Variants in GPC5 observed in about 807,000 individuals in gnomAD.
GPC5 encodes glypican-5.
GPC5 carries 47 observed loss-of-function variants against 53.9 expected under a neutral mutation model. The ratio of observed to expected loss-of-function variants is 0.87; its 90% CI spans 0.69 to 1.11. The LOEUF (loss-of-function observed/expected upper bound fraction) is 1.11. Among genes scored for constraint, GPC5 ranks in the 50% most tolerant of loss-of-function variants. GPC5 has a pLI of 0.00. For missense variants in GPC5, 748 were observed against 713.1 expected (o/e 1.05, Z -0.56); for synonymous variants, 286 against 263.3 (o/e 1.09, Z -0.84).
At chr13:91,808,240 T>G (rs2038253515) in intron 5 of GPC5, among the ~76,000 whole-genome samples, 1 of 152,168 alleles carries the variant, frequency 6.6e-6, no homozygotes, top group Non-Finnish European at 1.5e-5. Flanking sequence ...TAATGGTTTT[T>G]CATCACTTCA....
intron 7 of GPC5, among the ~76,000 whole-genome samples, chr13:92,697,626 C>G (rs887909968): frequency 2.0e-5 from 3 of 152,160 alleles, no homozygotes; most frequent in Non-Finnish European, 4.4e-5. Flanking sequence ...AATATACAAT[C>G]ATGTCATCTG....
chr13:92,644,461 C>G (rs2139155505), intron 7 of GPC5, among the ~76,000 whole-genome samples: 1 of 152,218 alleles, frequency 6.6e-6, no homozygotes, highest in South Asian at 2.1e-4. Flanking sequence ...TCTATATAAG[C>G]TGACATGTTA....
intron 7 of GPC5, among the ~76,000 whole-genome samples, chr13:92,824,822 ATATTT>A: frequency 6.6e-6 from 1 of 152,110 alleles, no homozygotes; most frequent in South Asian, 2.1e-4. Context: ...GTCCACAATT[ATATTT>A]ATCTGGAAGA....
chr13:92,629,877 T>C (rs1330666313), intron 7 of GPC5, among the ~76,000 whole-genome samples: 4 of 152,218 alleles, frequency 2.6e-5, no homozygotes, highest in Admixed American at 2.6e-4. Context: ...TCTGTAATTC[T>C]GTTGATTCTG....
chr13:92,328,370 T>C (rs1395543096), intron 7 of GPC5, among the ~76,000 whole-genome samples: 1 of 152,096 alleles, frequency 6.6e-6, no homozygotes, highest in Non-Finnish European at 1.5e-5. Context: ...CAGAACCAGA[T>C]ATAGAATCTG....
rs151190907 is a variant in GPC5 at position 92,446,568 on chromosome 13, T to A, written c.1561+301579T>A. ...CAGGTTGCTTCTAGATCTTGGCTATTGTGAATAGTTCTGCAATAAACATGA... is the reference window on the plus strand; with the variant it reads ...CAGGTTGCTTCTAGATCTTGGCTATAGTGAATAGTTCTGCAATAAACATGA... On this transcript the variant is annotated intron_variant, in intron 7 of 7. Transcript: ENST00000377067. 1.1e-4 allele frequency: 16 copies of A among 152,188 alleles called. No individual in the cohort carries two copies. The East Asian group carries it at 2.1e-3, about 20-fold the overall frequency. The allele number at this position is 152,188 out of a possible 1,614,324, so 9.4% of individuals were successfully genotyped here.
At chr13:92,610,428 C>A (rs1399240777) in intron 7 of GPC5, among the ~76,000 whole-genome samples, 1 of 152,094 alleles carries the variant, frequency 6.6e-6, no homozygotes, top group South Asian at 2.1e-4. Context: ...GCGCTCCAGT[C>A]AGCTTTTAAA....
intron 2 of GPC5, among the ~76,000 whole-genome samples, chr13:91,638,671 T>C (rs1039275387): frequency 1.3e-5 from 2 of 152,164 alleles, no homozygotes; most frequent in African/African-American, 4.8e-5. Flanking sequence ...CAGCTTACAA[T>C]AGACATTTCC....
Position 92,105,975 on chromosome 13 carries a change from T to C in GPC5, c.1402-38855T>C, listed in dbSNP as rs563512190. Among the ~76,000 whole-genome samples, 5 of 152,128 alleles carry C rather than the reference T, an allele frequency of 3.3e-5. No homozygotes were observed. In the South Asian group the frequency reaches 1.0e-3, roughly 31 times the overall value. ...AATGGAAGAATACAGTATTTATGTTTTCTTTTTCTGGCTTATTTCACTTAA... is the reference window on the plus strand; with the variant it reads ...AATGGAAGAATACAGTATTTATGTTCTCTTTTTCTGGCTTATTTCACTTAA... On this transcript the variant is annotated intron_variant, in intron 6 of 7. Coordinates refer to ENST00000377067, the MANE Select transcript of GPC5 (RefSeq NM_004466.6).
intron 5 of GPC5, among the ~76,000 whole-genome samples, chr13:91,902,400 A>G (rs185676222): frequency 4.1e-4 from 62 of 152,216 alleles, no homozygotes; most frequent in African/African-American, 1.4e-3. Flanking sequence ...GAATGTAAAT[A>G]TATCAGGGCT....
At chr13:91,941,206 A>T (rs919780434) in intron 6 of GPC5, among the ~76,000 whole-genome samples, 10 of 152,064 alleles carry the variant, frequency 6.6e-5, no homozygotes, top group Non-Finnish European at 1.3e-4. Flanking sequence ...CTATTGGTCT[A>T]TGTGTCTGCT....
chr13:92,005,626 C>CT (rs1250139816), intron 6 of GPC5, among the ~76,000 whole-genome samples: 1 of 152,090 alleles, frequency 6.6e-6, no homozygotes, highest in African/African-American at 2.4e-5. Context: ...ATACATGTAA[C>CT]TTATTTGATT....
At chr13:92,372,857 AT>A (rs2043662465) in intron 7 of GPC5, among the ~76,000 whole-genome samples, 1 of 152,166 alleles carries the variant, frequency 6.6e-6, no homozygotes. Flanking sequence ...CTCCATGAAC[AT>A]TTTCAGTTAC....
At chr13:92,695,134 A>G (rs1216559000) in intron 7 of GPC5, among the ~76,000 whole-genome samples, 1 of 152,158 alleles carries the variant, frequency 6.6e-6, no homozygotes, top group Non-Finnish European at 1.5e-5. Flanking sequence ...TCCTTTATAA[A>G]TTATCCAAAC....
chr13:92,656,368 G>C (rs1886137046), intron 7 of GPC5, among the ~76,000 whole-genome samples: 1 of 152,188 alleles, frequency 6.6e-6, no homozygotes, highest in Non-Finnish European at 1.5e-5. Flanking sequence ...AAAGTTTAGG[G>C]ATTTAATTGG....
chr13:91,991,143 G>A (rs2040452696), intron 6 of GPC5, among the ~76,000 whole-genome samples: 1 of 152,124 alleles, frequency 6.6e-6, no homozygotes, highest in South Asian at 2.1e-4. Context: ...TATGATGATC[G>A]TACACAATGG....
At chr13:91,915,395 A>G (rs2039648475) in intron 6 of GPC5, among the ~76,000 whole-genome samples, 1 of 152,184 alleles carries the variant, frequency 6.6e-6, no homozygotes, top group Non-Finnish European at 1.5e-5. Context: ...ATCAGTGTAC[A>G]ATCAACTGGA....
chr13:91,533,224 C>G (rs756383605), intron 2 of GPC5, among the ~76,000 whole-genome samples: 3 of 152,154 alleles, frequency 2.0e-5, no homozygotes, highest in Non-Finnish European at 2.9e-5. Flanking sequence ...TCTGAGGTGA[C>G]AGGACCCAGG....
intron 7 of GPC5, among the ~76,000 whole-genome samples, chr13:92,147,985 T>C (rs764087168): frequency 9.2e-5 from 14 of 152,094 alleles, no homozygotes; most frequent in Admixed American, 6.6e-4. Context: ...CAAAATATTG[T>C]GATCTAAAAA....
Sources: gnomAD v4.1 joint callset for allele counts (sites outside exome capture counted in the v4.1 genomes callset) on GRCh38, gnomAD v4.1.1 for gene constraint, MANE v1.5 for transcripts, NCBI Gene and HGNC (gene_info 2026-07-23, HGNC 2026-07-21) for gene names.